BCAS3: variants seen among roughly 807,000 people sequenced by gnomAD.
BCAS3 encodes the protein BCAS3 microtubule associated cell migration factor.
A neutral mutation model predicts 116.1 loss-of-function variants in BCAS3; 53 were observed. The ratio of observed to expected loss-of-function variants is 0.46; its 90% confidence interval spans 0.37 to 0.57. BCAS3 has a LOEUF of 0.57. Among genes scored for constraint, BCAS3 ranks in the 20% least tolerant of loss-of-function variants. The pLI is 0.00. For missense variants in BCAS3, 917 were observed against 1,165.4 expected, an observed-to-expected ratio of 0.79 and a Z score of 3.10; for synonymous variants, 391 against 408.2, an observed-to-expected ratio of 0.96 and a Z score of 0.51.
chr17:61,029,199 C>A lies in BCAS3; in HGVS notation c.1638-5467C>A, dbSNP rs2066461395. Among the ~76,000 whole-genome samples, 1 of 151,876 alleles carries A rather than the reference C, an allele frequency of 6.6e-6. No individual in the cohort carries two copies. Among genetic ancestry groups the A allele is most frequent in the Admixed American group, 6.6e-5 (1 of 15,228 alleles). On this transcript the variant is annotated intron_variant, in intron 16 of 23. Transcript: ENST00000407086. The surrounding 1 kb of genome is among the most constrained non-coding windows in gnomAD (Gnocchi z 5.2). ...CAAACTTTTTATTAGTTTCGAGTTG[C>A]AACGTTAACACTTAGCTAAGAATTT...
intron 14 of BCAS3, among the ~76,000 whole-genome samples, chr17:60,948,183 A>C (rs755227579): frequency 1.3e-5 from 2 of 151,890 alleles, no homozygotes; most frequent in African/African-American, 2.4e-5. Context: ...TCTTTGGCTC[A>C]CTGCAACCTC....
Position 61,021,908 on chromosome 17 carries a change from G to A in BCAS3, c.1637+6007G>A, listed in dbSNP as rs2065901893. 6.6e-6 allele frequency among the ~76,000 whole-genome samples: 1 copy of A among 152,062 alleles called. No homozygotes were observed. Reference sequence around the variant, plus strand: ...TTTGGCCTGAGCCTTAAACTTTATAGGCAAAGTTCGGAGAATTAAATTGGA... The same window carrying A: ...TTTGGCCTGAGCCTTAAACTTTATAAGCAAAGTTCGGAGAATTAAATTGGA... On this transcript the variant is annotated intron_variant, in intron 16 of 23. Coordinates refer to ENST00000407086, the MANE Select transcript of BCAS3 (RefSeq NM_017679.5). The surrounding 1 kb of genome is among the most constrained non-coding windows in gnomAD (Gnocchi z 4.6).
At chr17:61,167,264 G>A (rs1022969543) in intron 22 of BCAS3, among the ~76,000 whole-genome samples, 1 of 152,216 alleles carries the variant, frequency 6.6e-6, no homozygotes, top group African/African-American at 2.4e-5. Flanking sequence ...TAATGGCACA[G>A]AGAGTAAATG....
intron 22 of BCAS3, among the ~76,000 whole-genome samples, chr17:61,116,976 T>G (rs1447303432): frequency 6.6e-6 from 1 of 152,218 alleles, no homozygotes; most frequent in Non-Finnish European, 1.5e-5. Flanking sequence ...TGGGCTTCTT[T>G]GGAAGTTTCC....
chr17:60,780,257 G>A (rs560789447), intron 6 of BCAS3, among the ~76,000 whole-genome samples: 1 of 150,006 alleles, frequency 6.7e-6, no homozygotes, highest in Non-Finnish European at 1.5e-5. Flanking sequence ...CAAAGTGCTT[G>A]GATTACAGGC....
rs2051002252 is a variant in BCAS3 at position 61,278,960 on chromosome 17, T to C, written c.2426-89367T>C. 6.6e-6 allele frequency among the ~76,000 whole-genome samples: 1 copy of C among 151,982 alleles called. No homozygotes were observed. Among genetic ancestry groups the C allele is most frequent in the African/African-American group, 2.4e-5 (1 of 41,362 alleles). Reference sequence around the variant, plus strand: ...GCCATTGAATTATGTACTTTTTTTTTTTTTTTTAAAGATGGAGTCTTGCTT... The same window carrying C: ...GCCATTGAATTATGTACTTTTTTTTCTTTTTTTAAAGATGGAGTCTTGCTT... On this transcript the variant is annotated intron_variant, in intron 22 of 23. Coordinates refer to ENST00000407086, the MANE Select transcript of BCAS3 (RefSeq NM_017679.5). The surrounding 1 kb of genome is among the most constrained non-coding windows in gnomAD (Gnocchi z 5.8).
intron 18 of BCAS3, among the ~76,000 whole-genome samples, chr17:61,040,218 T>C (rs2067395811): frequency 6.6e-6 from 1 of 152,238 alleles, no homozygotes; most frequent in South Asian, 2.1e-4. Context: ...TCTTTACTAC[T>C]ACTTTACTAT....
intron 5 of BCAS3, among the ~76,000 whole-genome samples, chr17:60,720,571 G>A (rs1295532008): frequency 1.3e-5 from 2 of 152,050 alleles, no homozygotes; most frequent in Non-Finnish European, 2.9e-5. Context: ...TTCTGAATAC[G>A]TGCATTCAGT....
chr17:61,080,721 C>G (rs2072517783), intron 21 of BCAS3, among the ~76,000 whole-genome samples: 1 of 152,230 alleles, frequency 6.6e-6, no homozygotes, highest in Non-Finnish European at 1.5e-5. Flanking sequence ...GATCGTGCCA[C>G]TGCATTCTAG....
In BCAS3 at chr17:61,161,167, A is replaced by C. The variant is rs1481092195; in HGVS notation, c.2425+76603A>C. ...GCTTATAACCACATTAAAATGGAAA[A>C]GTTATTTCATTTTTAGTATACTGTA... On this transcript the variant is annotated intron_variant, in intron 22 of 23. Coordinates refer to ENST00000407086, the MANE Select transcript of BCAS3 (RefSeq NM_017679.5). This position sits in a 1 kb window ranked among gnomAD's most constrained non-coding sequence, Gnocchi z 4.8. 2.6e-5 allele frequency among the ~76,000 whole-genome samples: 4 copies of C among 152,222 alleles called. No homozygotes were observed. Among genetic ancestry groups the C allele is most frequent in the Admixed American group, 1.3e-4 (2 of 15,282 alleles).
chr17:61,340,585 C>T (rs912867678), intron 22 of BCAS3, among the ~76,000 whole-genome samples: 7 of 152,082 alleles, frequency 4.6e-5, no homozygotes, highest in African/African-American at 1.7e-4. Flanking sequence ...GGCTCAGACC[C>T]GTTAGCATGG....
chr17:61,346,895 A>G lies in BCAS3; in HGVS notation c.2426-21432A>G, dbSNP rs1030672670. ...TCCCAGAGGAGCTTGCACTTGGGCT[A>G]AGTCTCAAATCTGCAGAAGGCAGTT... On this transcript the variant is annotated intron_variant, in intron 22 of 23. Transcript: ENST00000407086. This position sits in a 1 kb window ranked among gnomAD's most constrained non-coding sequence, Gnocchi z 5.4. Among the ~76,000 whole-genome samples the G allele has an allele frequency of 3.9e-5, 6 of 152,176 alleles. No homozygotes were observed. The highest frequency in any genetic ancestry group is 1.4e-4 in the African/African-American group (6 of 41,456).
At chr17:60,992,675 A>C in intron 15 of BCAS3, among the ~76,000 whole-genome samples, 1 of 152,212 alleles carries the variant, frequency 6.6e-6, no homozygotes, top group Non-Finnish European at 1.5e-5. Context: ...CGAACATAAA[A>C]TAAAAATTGA....
At chr17:61,003,143 T>G (rs1400321240) in intron 15 of BCAS3, among the ~76,000 whole-genome samples, 2 of 152,096 alleles carry the variant, frequency 1.3e-5, no homozygotes, top group East Asian at 3.9e-4. Flanking sequence ...TCTTCTACAT[T>G]GAGCCCCTAA....
At chr17:60,762,137 C>T (rs1273881549) in intron 6 of BCAS3, among the ~76,000 whole-genome samples, 2 of 152,064 alleles carry the variant, frequency 1.3e-5, no homozygotes, top group Non-Finnish European at 2.9e-5. Context: ...AGTTTTCTCC[C>T]ATTCTGTAGG....
chr17:60,925,185 T>C (rs1400810050), intron 13 of BCAS3, among the ~76,000 whole-genome samples: 1 of 152,134 alleles, frequency 6.6e-6, no homozygotes. Context: ...CCTCCCAAAG[T>C]ATTGCCACGA....
At chr17:60,809,191 C>T (rs369480566) in intron 7 of BCAS3, among the ~76,000 whole-genome samples, 57 of 149,622 alleles carry the variant, frequency 3.8e-4, no homozygotes, top group African/African-American at 1.2e-3. Context: ...GGCTGAGGCA[C>T]GAGAATTGCT....
chr17:61,108,926 G>C (rs1487884309), intron 22 of BCAS3, among the ~76,000 whole-genome samples: 1 of 152,122 alleles, frequency 6.6e-6, no homozygotes, highest in Non-Finnish European at 1.5e-5. Flanking sequence ...GGCGGCTCAT[G>C]CCTGTAATCC....
At chr17:60,952,566 C>A (rs1270856852) in intron 14 of BCAS3, among the ~76,000 whole-genome samples, 2 of 152,102 alleles carry the variant, frequency 1.3e-5, no homozygotes, top group Non-Finnish European at 2.9e-5. Context: ...GTGATCCACC[C>A]ATCTTGGCCT....
Sources: gnomAD v4.1 joint callset for allele counts (sites outside exome capture counted in the v4.1 genomes callset) on GRCh38, gnomAD v4.1.1 for gene constraint, Gnocchi (gnomAD v3.1) non-coding constraint, MANE v1.5 for transcripts, NCBI Gene and HGNC (gene_info 2026-07-23, HGNC 2026-07-21) for gene names.